ELP4: variants seen among roughly 807,000 people sequenced by gnomAD.
The protein encoded by ELP4 is elongator complex protein 4.
In ELP4, 51 loss-of-function variants were observed where a neutral mutation model predicts 48.9. That is an observed-to-expected ratio of 1.04 (90% confidence interval 0.83 to 1.32). The LOEUF (loss-of-function observed/expected upper bound fraction) is 1.32. ELP4 is among the 40% of genes most tolerant of loss of function. ELP4 has a pLI of 0.00. For missense variants in ELP4, 519 were observed against 514.6 expected (o/e 1.01, Z -0.08); for synonymous variants, 210 against 189.2 (o/e 1.11, Z -0.90).
chr11:31,525,951 C>A (rs922200152), intron 2 of ELP4, among the ~76,000 whole-genome samples: 2 of 152,016 alleles, frequency 1.3e-5, no homozygotes, highest in Admixed American at 6.6e-5. Flanking sequence ...TTCCTATTTC[C>A]TTCTCTTCCA....
chr11:31,626,783 A>G (rs959101964), intron 5 of ELP4, among the ~76,000 whole-genome samples: 4 of 151,872 alleles, frequency 2.6e-5, no homozygotes, highest in Non-Finnish European at 5.9e-5. Context: ...CTGAAAATCT[A>G]TAGTGGCTTC....
intron 9 of ELP4, among the ~76,000 whole-genome samples, chr11:31,754,243 G>T (rs190106954): frequency 2.0e-5 from 3 of 152,196 alleles, no homozygotes; most frequent in African/African-American, 7.2e-5. Flanking sequence ...TTATCATGAA[G>T]TAAATCAGAT....
At chr11:31,616,043 A>G (rs923072581) in intron 5 of ELP4, among the ~76,000 whole-genome samples, 4 of 152,096 alleles carry the variant, frequency 2.6e-5, no homozygotes, top group African/African-American at 9.7e-5. Flanking sequence ...CCCAGTTTGA[A>G]AAGAAGGAAA....
chr11:31,580,416 T>G lies in ELP4; in HGVS notation c.382-14354T>G, dbSNP rs557741095. On this transcript the variant is annotated intron_variant, in intron 3 of 9. Coordinates refer to ENST00000640961, the MANE Select transcript of ELP4 (RefSeq NM_019040.5). ...ATTAATGTAAAAGTAAGTTTGGGGT[T>G]GGTGGGTATACATAGACCACTATCA... 1.2e-3 allele frequency among the ~76,000 whole-genome samples: 181 copies of G among 152,324 alleles called. 1 individual carries two copies. Among genetic ancestry groups the G allele is most frequent in the African/African-American group, 3.8e-3 (158 of 41,578 alleles).
At chr11:31,669,931 C>G (rs1413151496) in intron 9 of ELP4, among the ~76,000 whole-genome samples, 2 of 152,082 alleles carry the variant, frequency 1.3e-5, no homozygotes, top group African/African-American at 4.8e-5. Context: ...TCCATATCAA[C>G]CTAGAATTGT....
At chr11:31,675,817 CT>C (rs1412470875) in intron 9 of ELP4, among the ~76,000 whole-genome samples, 1 of 152,140 alleles carries the variant, frequency 6.6e-6, no homozygotes, top group Non-Finnish European at 1.5e-5. Flanking sequence ...AACATTCAAT[CT>C]GACAGAAAAT....
intron 9 of ELP4, among the ~76,000 whole-genome samples, chr11:31,657,938 T>A (rs1945473518): frequency 1.3e-5 from 2 of 152,002 alleles, no homozygotes; most frequent in Admixed American, 1.3e-4. Context: ...TCATAGACCT[T>A]ACAACTACCC....
intron 9 of ELP4, among the ~76,000 whole-genome samples, chr11:31,703,330 A>G (rs1946566042): frequency 6.6e-6 from 1 of 152,258 alleles, no homozygotes; most frequent in South Asian, 2.1e-4. Context: ...ATTCTAAAAC[A>G]GTTATGACAC....
Position 31,668,675 on chromosome 11 carries a change from C to CGTGTGTGTGTGTGT in ELP4, c.1143+18487_1143+18500dup, listed in dbSNP as rs367795416. Among the ~76,000 whole-genome samples, 317 of 121,088 alleles carry CGTGTGTGTGTGTGT rather than the reference C, an allele frequency of 2.6e-3. 1 individual carries two copies. The highest frequency in any genetic ancestry group is 0.013 in the Middle Eastern group (3 of 236). 79.4% of individuals were successfully genotyped at this position (121,088 alleles called of 152,430 possible). A position where few individuals can be genotyped will look rare whatever the true frequency, so the allele number is the denominator to read the frequency against. ...ATCGGAATGAAATTTCCTTTGGTACCGTGTGTGTGTGTGTGTGTGTGTGTG... is the reference window on the plus strand; with the variant it reads ...ATCGGAATGAAATTTCCTTTGGTACCGTGTGTGTGTGTGTGTGTGTGTGTGTGTGTGTGTGTGTG... On this transcript the variant is annotated intron_variant, in intron 9 of 9. Transcript: ENST00000640961.
chr11:31,731,349 GA>G (rs1947181572), intron 9 of ELP4, among the ~76,000 whole-genome samples: 1 of 152,068 alleles, frequency 6.6e-6, no homozygotes, highest in African/African-American at 2.4e-5. Flanking sequence ...TTTCAACAAA[GA>G]AATAGAAAAT....
At chr11:31,549,256 C>A (rs1165855266) in intron 3 of ELP4, among the ~76,000 whole-genome samples, 6 of 151,496 alleles carry the variant, frequency 4.0e-5, no homozygotes, top group African/African-American at 1.5e-4. Context: ...GGGCTAATAT[C>A]CAGAATCTAC....
chr11:31,568,463 G>C (rs1446092770), intron 3 of ELP4, among the ~76,000 whole-genome samples: 1 of 151,704 alleles, frequency 6.6e-6, no homozygotes, highest in Non-Finnish European at 1.5e-5. Flanking sequence ...GAACTACAAA[G>C]AGCCCAAAGC....
At chr11:31,598,881 C>T (rs1023687680) in intron 4 of ELP4, 2 of 151,896 alleles carry the variant, frequency 1.3e-5, no homozygotes, top group African/African-American at 4.8e-5. Flanking sequence ...ATGAACTTGT[C>T]CAGATTATTT....
At chr11:31,731,334 G>A (rs949203104) in intron 9 of ELP4, among the ~76,000 whole-genome samples, 2 of 152,104 alleles carry the variant, frequency 1.3e-5, no homozygotes, top group African/African-American at 2.4e-5. Context: ...TGAACAAAAT[G>A]AGTATTTCAA....
chr11:31,754,578 T>C (rs932821541), intron 9 of ELP4, among the ~76,000 whole-genome samples: 1 of 152,078 alleles, frequency 6.6e-6, no homozygotes, highest in Non-Finnish European at 1.5e-5. Flanking sequence ...CTTTAAAATA[T>C]CCTCTCCCCA....
intron 1 of ELP4, among the ~76,000 whole-genome samples, chr11:31,517,327 G>C (rs148919235): frequency 2.1e-4 from 32 of 151,956 alleles, no homozygotes; most frequent in Non-Finnish European, 4.3e-4. Flanking sequence ...TGGGATTACA[G>C]GAGCGGGCCA....
intron 3 of ELP4, among the ~76,000 whole-genome samples, chr11:31,576,350 T>C (rs955290179): frequency 6.6e-6 from 1 of 152,190 alleles, no homozygotes; most frequent in South Asian, 2.1e-4. Flanking sequence ...TGGGAGACTT[T>C]AACACCTGAC....
At chr11:31,782,880 A>G (rs1948409423) in intron 9 of ELP4, among the ~76,000 whole-genome samples, 2 of 152,322 alleles carry the variant, frequency 1.3e-5, no homozygotes, top group East Asian at 1.9e-4. Flanking sequence ...AAGTTCCTAG[A>G]GAAAGTATAA....
chr11:31,767,611 G>A (rs773708111), intron 9 of ELP4: 2 of 152,006 alleles, frequency 1.3e-5, no homozygotes, highest in Non-Finnish European at 2.9e-5. Flanking sequence ...TAAGAGCAGC[G>A]TAGTCATTTA....
Sources: gnomAD v4.1 joint callset for allele counts (sites outside exome capture counted in the v4.1 genomes callset) on GRCh38, gnomAD v4.1.1 for gene constraint, MANE v1.5 for transcripts, NCBI Gene and HGNC (gene_info 2026-07-23, HGNC 2026-07-21) for gene names.